The following GALNTL6 variants were observed in gnomAD, a reference collection of about 807,000 sequenced individuals.
The protein encoded by GALNTL6 is polypeptide N-acetylgalactosaminyltransferase-like 6.
Under a neutral mutation model 73.7 loss-of-function variants are expected in GALNTL6, and 46 were observed. The ratio of observed to expected loss-of-function variants is 0.62; its 90% CI spans 0.49 to 0.80. The LOEUF is 0.80. Among genes scored for constraint, GALNTL6 ranks in the 30% least tolerant of loss-of-function variants. The probability of loss-of-function intolerance (pLI) is 0.00; values close to 1 mark genes in which losing one functional copy is unlikely to be tolerated. For missense variants in GALNTL6, 604 were observed against 755.0 expected (o/e 0.80, Z 2.34); for synonymous variants, 259 against 263.7 (o/e 0.98, Z 0.17).
chr4:172,137,952 C>T (rs148180215), intron 2 of GALNTL6, among the ~76,000 whole-genome samples: 4 of 152,198 alleles, frequency 2.6e-5, no homozygotes, highest in Non-Finnish European at 4.4e-5. Context: ...TAGTGATTGC[C>T]GAAAGCTTTG....
At chr4:172,096,084 C>CTGTGTGTGTG (rs138495979) in intron 2 of GALNTL6, among the ~76,000 whole-genome samples, 8,736 of 147,038 alleles carry the variant, frequency 0.059, 291 homozygotes, top group African/African-American at 0.08. Context: ...CTCTCTCTTT[C>CTGTGTGTGTG]TGTGTGTGTG....
At chr4:173,026,598 C>A (rs75521336) in intron 12 of GALNTL6, among the ~76,000 whole-genome samples, 5,309 of 152,274 alleles carry the variant, frequency 0.035, 113 homozygotes, top group African/African-American at 0.048. Context: ...TTGTCAGTTT[C>A]TTTTTCTTTT....
chr4:172,080,663 G>A (rs755280251), intron 2 of GALNTL6, among the ~76,000 whole-genome samples: 13 of 151,316 alleles, frequency 8.6e-5, no homozygotes, highest in Admixed American at 2.0e-4. Context: ...GTTGTATATC[G>A]TATATCAATG....
At chr4:172,450,227 AAAAC>A (rs1732162649) in intron 5 of GALNTL6, among the ~76,000 whole-genome samples, 1 of 150,856 alleles carries the variant, frequency 6.6e-6, no homozygotes, top group Admixed American at 6.6e-5. Flanking sequence ...AAAAAAAAAA[AAAAC>A]AAACAAACTT....
At chr4:171,899,757 A>G (rs1157009729) in intron 2 of GALNTL6, among the ~76,000 whole-genome samples, 2 of 152,204 alleles carry the variant, frequency 1.3e-5, no homozygotes, top group Non-Finnish European at 2.9e-5. Flanking sequence ...ACCCAAAAGC[A>G]GCCCATTATA....
intron 5 of GALNTL6, among the ~76,000 whole-genome samples, chr4:172,710,772 CTT>C (rs143100778): frequency 0.014 from 2,060 of 152,090 alleles, 44 homozygotes; most frequent in African/African-American, 0.046. Flanking sequence ...TTAAAGTAAA[CTT>C]ATATTTTATG....
intron 2 of GALNTL6, among the ~76,000 whole-genome samples, chr4:172,204,192 AC>A (rs1386901519): frequency 6.6e-6 from 1 of 152,220 alleles, no homozygotes; most frequent in African/African-American, 2.4e-5. Flanking sequence ...AGATGTTTGT[AC>A]TAAAAATATA....
intron 5 of GALNTL6, among the ~76,000 whole-genome samples, chr4:172,621,922 G>T (rs1320010597): frequency 6.6e-6 from 1 of 151,982 alleles, no homozygotes; most frequent in African/African-American, 2.4e-5. Flanking sequence ...GCTTGGATGT[G>T]TGTCTTCTTA....
chr4:172,993,360 C>T (rs1376717781), intron 10 of GALNTL6, among the ~76,000 whole-genome samples: 1 of 152,208 alleles, frequency 6.6e-6, no homozygotes, highest in Non-Finnish European at 1.5e-5. Flanking sequence ...TCTTGAGCTT[C>T]CTGACTCCAG....
At chr4:173,020,235 G>A (rs1752939303) in intron 11 of GALNTL6, among the ~76,000 whole-genome samples, 2 of 152,294 alleles carry the variant, frequency 1.3e-5, no homozygotes, top group African/African-American at 4.8e-5. Context: ...TCCCCTACAG[G>A]TGTGTGGCTT....
At position 172,010,599 on chromosome 4, in the gene GALNTL6, A is replaced by ATT. The variant is rs11412161; in HGVS notation, c.138+195888_138+195889dup. Among the ~76,000 whole-genome samples, 8 of 151,588 alleles carry ATT rather than the reference A, an allele frequency of 5.3e-5. No homozygotes were observed. The East Asian group carries it at 5.8e-4, about 11-fold the overall frequency. On this transcript the variant is annotated intron_variant, in intron 2 of 12. Transcript: ENST00000506823. ...GCATTTGCTATTATTAAAATTTGGA[A>ATT]TTTTTTTTAAAGCTGCTGTGTCTTT...
Position 172,529,008 on chromosome 4 carries a change from C to T in GALNTL6, c.553+180319C>T, listed in dbSNP as rs1041061993. On this transcript the variant is annotated intron_variant, in intron 5 of 12. Coordinates refer to ENST00000506823, the MANE Select transcript of GALNTL6 (RefSeq NM_001034845.3). ...ATATGTGTGTATATATATATATATA[C>T]ACACACACACACACATATATATATA... 8.5e-3 allele frequency among the ~76,000 whole-genome samples: 204 copies of T among 23,906 alleles called. 3 individuals carry two copies. The highest frequency in any genetic ancestry group is 0.019 in the African/African-American group (195 of 10,184). 15.7% of individuals were successfully genotyped at this position (23,906 alleles called of 152,430 possible).
intron 5 of GALNTL6, among the ~76,000 whole-genome samples, chr4:172,670,871 T>A (rs755213711): frequency 3.9e-5 from 6 of 152,206 alleles, no homozygotes; most frequent in Non-Finnish European, 8.8e-5. Context: ...TATATATGGC[T>A]ACCCAGTTAT....
At chr4:172,927,839 C>G (rs1223285238) in intron 8 of GALNTL6, among the ~76,000 whole-genome samples, 1 of 152,140 alleles carries the variant, frequency 6.6e-6, no homozygotes, top group Non-Finnish European at 1.5e-5. Flanking sequence ...TATCTTCAAC[C>G]ACTTCTGTTG....
intron 5 of GALNTL6, among the ~76,000 whole-genome samples, chr4:172,641,435 A>G (rs1739975251): frequency 6.6e-6 from 1 of 152,008 alleles, no homozygotes; most frequent in Non-Finnish European, 1.5e-5. Context: ...TCAGCTTACT[A>G]CACTTCAGCC....
chr4:171,903,346 A>G (rs537824645), intron 2 of GALNTL6, among the ~76,000 whole-genome samples: 249 of 152,246 alleles, frequency 1.6e-3, no homozygotes, highest in Non-Finnish European at 3.1e-3. Context: ...ACAAGGGGTC[A>G]GGGAGTTCCT....
chr4:171,960,127 A>G (rs1307624470), intron 2 of GALNTL6, among the ~76,000 whole-genome samples: 1 of 152,212 alleles, frequency 6.6e-6, no homozygotes, highest in Non-Finnish European at 1.5e-5. Flanking sequence ...TTCAGCTGTC[A>G]TAGCTTTCTA....
At chr4:172,779,582 A>G (rs940118427) in intron 5 of GALNTL6, among the ~76,000 whole-genome samples, 2 of 152,200 alleles carry the variant, frequency 1.3e-5, no homozygotes, top group Non-Finnish European at 2.9e-5. Flanking sequence ...AAGCTAAGCA[A>G]CCAACCAAGG....
chr4:173,011,080 G>A (rs1408877858), intron 11 of GALNTL6, among the ~76,000 whole-genome samples: 1 of 152,116 alleles, frequency 6.6e-6, no homozygotes, highest in Non-Finnish European at 1.5e-5. Flanking sequence ...ACTCATTGTA[G>A]TTTTGATCTG....
Sources: allele counts gnomAD v4.1 joint callset (sites outside exome capture counted in the v4.1 genomes callset), GRCh38; gene constraint gnomAD v4.1.1; transcripts MANE v1.5; gene names NCBI Gene and HGNC (gene_info 2026-07-23, HGNC 2026-07-21).